IL1RAP: variants seen among roughly 807,000 people sequenced by gnomAD.
IL1RAP encodes interleukin 1 receptor accessory protein.
Under a neutral mutation model 60.7 loss-of-function variants are expected in IL1RAP, and 35 were observed. The observed-to-expected ratio is 0.58, with a 90% CI of 0.44 to 0.76. The LOEUF (loss-of-function observed/expected upper bound fraction) is 0.76. Among genes scored for constraint, IL1RAP ranks in the 30% least tolerant of loss-of-function variants. The probability of loss-of-function intolerance (pLI) is 0.00; values close to 1 mark genes in which losing one functional copy is unlikely to be tolerated. For synonymous variants in IL1RAP, 268 were observed against 250.9 expected (o/e 1.07, Z -0.64); for missense variants, 572 against 693.9 (o/e 0.82, Z 1.97).
intron 5 of IL1RAP, among the ~76,000 whole-genome samples, chr3:190,609,632 T>C (rs138085107): frequency 6.6e-6 from 1 of 152,276 alleles, no homozygotes; most frequent in Non-Finnish European, 1.5e-5. Context: ...TCCAAGGGAT[T>C]TGGAAAATGT....
At chr3:190,636,402 C>T (rs1262904111) in intron 9 of IL1RAP, among the ~76,000 whole-genome samples, 1 of 152,190 alleles carries the variant, frequency 6.6e-6, no homozygotes, top group Non-Finnish European at 1.5e-5. Flanking sequence ...ATATTTAATA[C>T]ATGCTTATTT....
chr3:190,653,437 A>G (rs1734491032), downstream of IL1RAP, among the ~76,000 whole-genome samples: 2 of 152,232 alleles, frequency 1.3e-5, no homozygotes, highest in African/African-American at 4.8e-5. Context: ...TGGAGAAAGC[A>G]ATATTTGAAA....
At chr3:190,641,568 A>T (rs1733664712) in intron 9 of IL1RAP, among the ~76,000 whole-genome samples, 1 of 152,218 alleles carries the variant, frequency 6.6e-6, no homozygotes, top group Non-Finnish European at 1.5e-5. Context: ...ATGACACAAA[A>T]CAGAATTAAA....
At chr3:190,630,139 T>C (rs1457576780) in intron 9 of IL1RAP, 1 of 770,738 alleles carries the variant, frequency 1.3e-6, no homozygotes, top group Non-Finnish European at 1.6e-6. Flanking sequence ...AGGTTTATAA[T>C]ATACCAGCAG....
intron 9 of IL1RAP, among the ~76,000 whole-genome samples, chr3:190,635,032 A>G (rs1040139669): frequency 1.3e-5 from 2 of 151,864 alleles, no homozygotes; most frequent in Non-Finnish European, 1.5e-5. Flanking sequence ...TCTTTTTGGG[A>G]AAGCTTTTAA....
At chr3:190,651,685 C>A (rs1470957934), downstream of IL1RAP, among the ~76,000 whole-genome samples, 1 of 152,058 alleles carries the variant, frequency 6.6e-6, no homozygotes, top group Non-Finnish European at 1.5e-5. Context: ...TTATCAAGAA[C>A]ATTTTCTTTA....
intron 5 of IL1RAP, 85 bp downstream of exon 5, chr3:190,609,266 A>G (rs1415696983): frequency 2.1e-6 from 2 of 940,650 alleles, no homozygotes; most frequent in Non-Finnish European, 1.6e-6. Flanking sequence ...TTATAAGCAA[A>G]GGTGTTTCTC....
At chr3:190,543,050 A>G (rs1560153826) in intron 1 of IL1RAP, among the ~76,000 whole-genome samples, 1 of 152,132 alleles carries the variant, frequency 6.6e-6, no homozygotes, top group South Asian at 2.1e-4. Context: ...GTGGGGGCTC[A>G]CTAAGCAACT....
chr3:190,548,775 G>A (rs1383918992), intron 1 of IL1RAP, among the ~76,000 whole-genome samples: 1 of 152,206 alleles, frequency 6.6e-6, no homozygotes, highest in African/African-American at 2.4e-5. Flanking sequence ...AGGGACCTGA[G>A]TCTTGAATTA....
intron 1 of IL1RAP, among the ~76,000 whole-genome samples, chr3:190,555,601 A>G (rs1260733977): frequency 6.6e-6 from 1 of 152,116 alleles, no homozygotes; most frequent in Non-Finnish European, 1.5e-5. Context: ...TCCTACCTTG[A>G]TACTTTTGAA....
chr3:190,616,056 T>C (rs1377412864), intron 5 of IL1RAP, among the ~76,000 whole-genome samples: 1 of 152,180 alleles, frequency 6.6e-6, no homozygotes, highest in Non-Finnish European at 1.5e-5. Flanking sequence ...TCTATATGTG[T>C]ACATATATGC....
At chr3:190,612,693 T>C (rs1241217844) in intron 5 of IL1RAP, among the ~76,000 whole-genome samples, 3 of 152,216 alleles carry the variant, frequency 2.0e-5, no homozygotes, top group Non-Finnish European at 2.9e-5. Context: ...CCTCATGGTA[T>C]GTCAAGTAGC....
At chr3:190,595,325 A>G (rs1053822853) in intron 3 of IL1RAP, among the ~76,000 whole-genome samples, 11 of 152,188 alleles carry the variant, frequency 7.2e-5, no homozygotes, top group African/African-American at 1.9e-4. Context: ...CCCTAATGCT[A>G]TACGCCTTCT....
At chr3:190,573,076 G>A (rs1238098083) in intron 3 of IL1RAP, among the ~76,000 whole-genome samples, 4 of 52,748 alleles carry the variant, frequency 7.6e-5, no homozygotes, top group Non-Finnish European at 1.4e-4. Flanking sequence ...TTTTAGCCGG[G>A]ATGGTCTCGA....
chr3:190,598,208 C>T (rs1256654946), intron 3 of IL1RAP, among the ~76,000 whole-genome samples: 4 of 152,202 alleles, frequency 2.6e-5, no homozygotes, highest in Admixed American at 1.3e-4. Flanking sequence ...TTTTGCAAAA[C>T]ACGTGAAGAA....
chr3:190,615,336 T>C (rs550058124), intron 5 of IL1RAP: 96 of 1,270,988 alleles, frequency 7.6e-5, no homozygotes, highest in Admixed American at 4.6e-5. Flanking sequence ...CCTCCAAACA[T>C]ATAGAAGTAA....
At chr3:190,561,985 A>C (rs931205295) in intron 2 of IL1RAP, among the ~76,000 whole-genome samples, 1 of 152,074 alleles carries the variant, frequency 6.6e-6, no homozygotes. Flanking sequence ...GTGACTCCCT[A>C]TTTGCTCTTT....
At chr3:190,614,182 A>G (rs886341802) in intron 5 of IL1RAP, among the ~76,000 whole-genome samples, 2 of 150,750 alleles carry the variant, frequency 1.3e-5, no homozygotes, top group African/African-American at 2.4e-5. Context: ...TTTAATCCTC[A>G]TAGACTTATT....
chr3:190,627,920 GT>G (rs949883227), intron 8 of IL1RAP, among the ~76,000 whole-genome samples: 1 of 148,528 alleles, frequency 6.7e-6, no homozygotes, highest in African/African-American at 2.5e-5. Context: ...ATTGTGTTTT[GT>G]TTTTTTTTGC....
Sources: gnomAD v4.1 joint callset for allele counts (sites outside exome capture counted in the v4.1 genomes callset) on GRCh38, gnomAD v4.1.1 for gene constraint, MANE v1.5 for transcripts, NCBI Gene and HGNC (gene_info 2026-07-23, HGNC 2026-07-21) for gene names.